Variants in IKZF3 observed in about 807,000 individuals in gnomAD.
The protein encoded by IKZF3 is IKAROS family zinc finger 3, also known as zinc finger protein Aiolos.
IKZF3 carries 10 observed loss-of-function variants against 49.0 expected under a neutral mutation model. The observed-to-expected ratio is 0.20, with a 90% CI of 0.13 to 0.35. The LOEUF (loss-of-function observed/expected upper bound fraction) is 0.35. Ranked by LOEUF, IKZF3 falls within the 10% of genes least tolerant of loss-of-function variation. IKZF3 has a pLI of 1.00. For missense variants in IKZF3, 498 were observed against 664.8 expected, an observed-to-expected ratio of 0.75 and a Z score of 2.76; for synonymous variants, 209 against 228.2, an observed-to-expected ratio of 0.92 and a Z score of 0.76.
chr17:39,826,749 T>C (rs994983152), intron 3 of IKZF3, among the ~76,000 whole-genome samples: 3 of 152,166 alleles, frequency 2.0e-5, no homozygotes, highest in African/African-American at 7.2e-5. Context: ...AGCACGTGGG[T>C]CCATAAAATG....
rs1020115647 is a variant in IKZF3 at position 39,864,284 on chromosome 17, G to T, written c.-158C>A. 5.1e-6 allele frequency: 4 copies of T among 784,204 alleles called. No individual in the cohort carries two copies. In the African/African-American group the frequency reaches 7.4e-5, roughly 15 times the overall value. The allele number at this position is 784,204 out of a possible 1,614,324, so 48.6% of individuals were successfully genotyped here. On this transcript the variant is annotated 5_prime_UTR_variant, in exon 1 of 8. Transcript: ENST00000346872. ...CGTCGGCGCAGACTGAAAAGGGCAG[G>T]AGCCGGCGACCTGCCGGTGCGCGGG...
At chr17:39,823,013 A>C (rs1267828740) in intron 3 of IKZF3, among the ~76,000 whole-genome samples, 1 of 152,168 alleles carries the variant, frequency 6.6e-6, no homozygotes, top group African/African-American at 2.4e-5. Flanking sequence ...AGAGGTTGGA[A>C]CAGTTTGGAG....
In IKZF3 at chr17:39,761,114, G is replaced by A. The variant is rs77905879; in HGVS notation, c.*4676C>T. The A allele has an allele frequency of 6.6e-6, 1 of 152,152 alleles. No individual in the cohort carries two copies. The highest frequency in any genetic ancestry group is 6.5e-5 in the Admixed American group (1 of 15,276). The allele number at this position is 152,152 out of a possible 1,614,324, so 9.4% of individuals were successfully genotyped here. The stretch of plus-strand genomic sequence containing the variant: ...ATCTGAGGTCATTTTATATCTGGCC[G>A]ATTTTGAGTATGGGCCTAACAAAAT... On this transcript the variant is annotated 3_prime_UTR_variant, in exon 8 of 8. Coordinates refer to ENST00000346872, the MANE Select transcript of IKZF3 (RefSeq NM_012481.5).
chr17:39,817,495 T>C (rs1359492230), intron 3 of IKZF3, among the ~76,000 whole-genome samples: 3 of 152,124 alleles, frequency 2.0e-5, no homozygotes, highest in South Asian at 2.1e-4. Context: ...TGGCTATTCA[T>C]AGGTGTAATC....
chr17:39,823,966 G>C (rs532057637), intron 3 of IKZF3, among the ~76,000 whole-genome samples: 1 of 152,220 alleles, frequency 6.6e-6, no homozygotes, highest in Non-Finnish European at 1.5e-5. Context: ...TAGTGGAGCT[G>C]TTAGAAGAGG....
chr17:39,774,853 C>T (rs528012566), intron 7 of IKZF3, among the ~76,000 whole-genome samples: 3 of 152,320 alleles, frequency 2.0e-5, no homozygotes, highest in Non-Finnish European at 2.9e-5. Context: ...ACAAAAAAGA[C>T]TCTAAAAACC....
At chr17:39,845,918 T>C (rs1033024842) in intron 1 of IKZF3, among the ~76,000 whole-genome samples, 2 of 152,318 alleles carry the variant, frequency 1.3e-5, no homozygotes, top group East Asian at 3.9e-4. Context: ...GATATCCAAA[T>C]ATCCAGATAA....
intron 3 of IKZF3, among the ~76,000 whole-genome samples, chr17:39,806,508 T>C (rs775523804): frequency 6.6e-6 from 1 of 152,170 alleles, no homozygotes; most frequent in Non-Finnish European, 1.5e-5. Context: ...CCTCAGTCAT[T>C]AGAGAAGTGT....
At chr17:39,851,684 A>G (rs960506726) in intron 1 of IKZF3, among the ~76,000 whole-genome samples, 1 of 152,202 alleles carries the variant, frequency 6.6e-6, no homozygotes, top group African/African-American at 2.4e-5. Flanking sequence ...AATGGACAGA[A>G]GGAAACCTTC....
At chr17:39,860,413 T>C (rs968020456) in intron 1 of IKZF3, among the ~76,000 whole-genome samples, 5 of 152,262 alleles carry the variant, frequency 3.3e-5, no homozygotes. Flanking sequence ...TGGCATCATC[T>C]ATATCTTACT....
In IKZF3 at chr17:39,835,878, T is replaced by C. The variant is rs571144069; in HGVS notation, c.8-3727A>G. 34 of 636,666 alleles carry C rather than the reference T, an allele frequency of 5.3e-5. No individual in the cohort carries two copies. The Admixed American group carries it at 5.9e-4, about 11-fold the overall frequency. The allele number at this position is 636,666 out of a possible 1,614,324, so 39.4% of individuals were successfully genotyped here. Reference sequence around the variant, plus strand: ...CTTACTGATCTCATCCTCGTACTTGTTCTTGAAGTCCTCCACCAGCCCCTG... The same window carrying C: ...CTTACTGATCTCATCCTCGTACTTGCTCTTGAAGTCCTCCACCAGCCCCTG... On this transcript the variant is annotated intron_variant, in intron 1 of 7. Coordinates refer to ENST00000346872, the MANE Select transcript of IKZF3 (RefSeq NM_012481.5).
At chr17:39,838,269 C>T (rs956490008) in intron 1 of IKZF3, among the ~76,000 whole-genome samples, 3 of 152,078 alleles carry the variant, frequency 2.0e-5, no homozygotes, top group Admixed American at 2.0e-4. Context: ...TTCATATTTT[C>T]CCACAGTTCC....
chr17:39,857,981 A>G (rs2063113528), intron 1 of IKZF3, among the ~76,000 whole-genome samples: 1 of 151,260 alleles, frequency 6.6e-6, no homozygotes, highest in African/African-American at 2.4e-5. Flanking sequence ...AAAAAAAGAG[A>G]GAGAGAGAGA....
chr17:39,836,549 G>A (rs2062289290), intron 1 of IKZF3, among the ~76,000 whole-genome samples: 1 of 152,188 alleles, frequency 6.6e-6, no homozygotes, highest in Non-Finnish European at 1.5e-5. Context: ...CAAGGTAGTT[G>A]ACAATGTCAT....
Position 39,864,158 on chromosome 17 carries a change from G to C in IKZF3, c.-32C>G. The C allele has an allele frequency of 6.2e-7, 1 of 1,611,530 alleles. No individual in the cohort carries two copies. Among genetic ancestry groups the C allele is most frequent in the Non-Finnish European group, 8.5e-7 (1 of 1,179,008 alleles). On this transcript the variant is annotated 5_prime_UTR_variant, in exon 1 of 8. Coordinates refer to ENST00000346872, the MANE Select transcript of IKZF3 (RefSeq NM_012481.5). ...GCCGGGCCGGGCTGGAGCTGCCGCT[G>C]TGGCTACTCGGCCTCTCCACGTGCT...
chr17:39,766,542 A>G (rs745525054), intron 7 of IKZF3, 49 bp from the exon 8 acceptor site: 8 of 1,464,866 alleles, frequency 5.5e-6, no homozygotes, highest in Non-Finnish European at 7.4e-6. Context: ...GCCAAGGCAG[A>G]GAGTTTGTAA....
Position 39,818,027 on chromosome 17 carries a change from G to C in IKZF3, c.163+11360C>G, listed in dbSNP as rs553550161. Among the ~76,000 whole-genome samples, 174 of 152,208 alleles carry C rather than the reference G, an allele frequency of 1.1e-3. 1 individual carries two copies. The highest frequency in any genetic ancestry group is 4.1e-3 in the African/African-American group (170 of 41,524). On this transcript the variant is annotated intron_variant, in intron 3 of 7. Coordinates refer to ENST00000346872, the MANE Select transcript of IKZF3 (RefSeq NM_012481.5). ...AGCACACTGTATTTATACAAACCTA[G>C]ACAGTATGGCCTACTACAAACCTCG... is the stretch of plus-strand genomic sequence containing the variant.
intron 6 of IKZF3, among the ~76,000 whole-genome samples, chr17:39,781,461 A>G (rs1334696725): frequency 6.6e-6 from 1 of 152,190 alleles, no homozygotes; most frequent in Non-Finnish European, 1.5e-5. Context: ...AAAGAATGAA[A>G]AACAGTATTC....
chr17:39,856,698 C>T (rs1174234020), intron 1 of IKZF3, among the ~76,000 whole-genome samples: 3 of 151,368 alleles, frequency 2.0e-5, no homozygotes, highest in African/African-American at 4.9e-5. Flanking sequence ...CCCAGCTGCT[C>T]GGGAGGCTGA....
Sources: gnomAD v4.1 joint callset for allele counts (sites outside exome capture counted in the v4.1 genomes callset) on GRCh38, gnomAD v4.1.1 for gene constraint, MANE v1.5 for transcripts, NCBI Gene and HGNC (gene_info 2026-07-23, HGNC 2026-07-21) for gene names.